Variants in SND1 observed in about 807,000 individuals in gnomAD.
SND1 encodes staphylococcal nuclease domain-containing protein 1.
A neutral mutation model predicts 121.7 loss-of-function variants in SND1; 38 were observed. The observed-to-expected ratio is 0.31, with a 90% CI of 0.24 to 0.41. The LOEUF (loss-of-function observed/expected upper bound fraction) is 0.41. Among genes scored for constraint, SND1 ranks in the 10% least tolerant of loss-of-function variants. The probability of loss-of-function intolerance (pLI) is 1.00; values close to 1 mark genes in which losing one functional copy is unlikely to be tolerated. For missense variants in SND1, 868 were observed against 1,184.6 expected (o/e 0.73, Z 3.92); for synonymous variants, 401 against 447.4 (o/e 0.90, Z 1.31).
intron 15 of SND1, among the ~76,000 whole-genome samples, chr7:127,943,936 G>A (rs1801270726): frequency 6.6e-6 from 1 of 152,206 alleles, no homozygotes; most frequent in African/African-American, 2.4e-5. Context: ...TCCTCATCCT[G>A]CTGAGCTGGT....
At chr7:127,694,681 A>C in intron 2 of SND1, 147 bp from the exon 3 acceptor site, 1 of 904,856 alleles carries the variant, frequency 1.1e-6, no homozygotes. Flanking sequence ...CATTGTGTGC[A>C]TTTCATTTTT....
At chr7:127,907,125 T>C (rs1379680549) in intron 14 of SND1, among the ~76,000 whole-genome samples, 2 of 152,198 alleles carry the variant, frequency 1.3e-5, no homozygotes. Flanking sequence ...CTGCTCGATT[T>C]AAATGGATGT....
chr7:128,015,150 C>T lies in SND1; in HGVS notation c.1779+24094C>T, dbSNP rs1803199223. ...TGATTCACAGTAGTGCAGATGGCCCCAGCCATACCCAGGGATGTCTGCCAC... is the reference window on the plus strand; with the variant it reads ...TGATTCACAGTAGTGCAGATGGCCCTAGCCATACCCAGGGATGTCTGCCAC... On this transcript the variant is annotated intron_variant, in intron 16 of 23. Transcript: ENST00000354725. This position sits in a 1 kb window ranked among gnomAD's most constrained non-coding sequence, Gnocchi z 4.5. Among the ~76,000 whole-genome samples the T allele has an allele frequency of 6.6e-6, 1 of 152,214 alleles. No homozygotes were observed. The highest frequency in any genetic ancestry group is 2.1e-4 in the South Asian group (1 of 4,832).
rs71160605 is a variant in SND1 at position 127,926,549 on chromosome 7, C to CTTTTTTTTTTTTT, written c.1528-2628_1528-2616dup. Among the ~76,000 whole-genome samples the CTTTTTTTTTTTTT allele has an allele frequency of 1.5e-4, 14 of 90,558 alleles. 1 individual carries two copies. The highest frequency in any genetic ancestry group is 2.7e-4 in the African/African-American group (6 of 22,052). 59.4% of individuals were successfully genotyped at this position (90,558 alleles called of 152,430 possible). A position where few individuals can be genotyped will look rare whatever the true frequency, so the allele number is the denominator to read the frequency against. On this transcript the variant is annotated intron_variant, in intron 14 of 23. Coordinates refer to ENST00000354725, the MANE Select transcript of SND1 (RefSeq NM_014390.4). ...GCTGTATGCCTTTGATTTTCTTTTT[C>CTTTTTTTTTTTTT]TTTTTTTTTTTTTTTTTTTTTTTGT... is the stretch of plus-strand genomic sequence containing the variant.
At chr7:128,089,959 G>A (rs1272475114) in intron 22 of SND1, 9 of 452,814 alleles carry the variant, frequency 2.0e-5, no homozygotes, top group South Asian at 1.3e-4. Context: ...GGTGACAGGC[G>A]AGAAAGCTTT....
At chr7:127,983,666 G>A (rs1802319091) in intron 15 of SND1, among the ~76,000 whole-genome samples, 1 of 151,948 alleles carries the variant, frequency 6.6e-6, no homozygotes, top group African/African-American at 2.4e-5. Context: ...ATTTCAGGGA[G>A]CATTATTTAA....
At chr7:127,845,597 T>C (rs1563033282) in intron 12 of SND1, among the ~76,000 whole-genome samples, 2 of 152,236 alleles carry the variant, frequency 1.3e-5, no homozygotes, top group Admixed American at 1.3e-4. Context: ...TACCACTTCT[T>C]AGGAGTCAGT....
chr7:128,025,381 T>G (rs1205071417), intron 16 of SND1, among the ~76,000 whole-genome samples: 1 of 146,670 alleles, frequency 6.8e-6, no homozygotes, highest in Non-Finnish European at 1.5e-5. Context: ...TCTTTTAATT[T>G]CTCTGGGGCT....
At chr7:127,951,562 C>T (rs1801463531) in intron 15 of SND1, among the ~76,000 whole-genome samples, 1 of 152,014 alleles carries the variant, frequency 6.6e-6, no homozygotes, top group Non-Finnish European at 1.5e-5. Flanking sequence ...GGGTAGGTCA[C>T]GTGTTAAGTA....
intron 1 of SND1, among the ~76,000 whole-genome samples, chr7:127,657,841 C>G (rs1291122738): frequency 3.3e-5 from 5 of 152,140 alleles, no homozygotes; most frequent in African/African-American, 1.2e-4. Flanking sequence ...TCTTCAGTTC[C>G]TTCACGTTCA....
At chr7:128,006,333 ATG>A (rs1802976065) in intron 16 of SND1, among the ~76,000 whole-genome samples, 1 of 151,774 alleles carries the variant, frequency 6.6e-6, no homozygotes, top group Non-Finnish European at 1.5e-5. Flanking sequence ...GTGTGCGTGC[ATG>A]TGTGTTTTGA....
intron 16 of SND1, among the ~76,000 whole-genome samples, chr7:128,014,001 G>A (rs1319414484): frequency 6.6e-6 from 1 of 152,210 alleles, no homozygotes; most frequent in Non-Finnish European, 1.5e-5. Context: ...ACAGGTCTCT[G>A]AGCAGTCTAT....
At chr7:127,922,266 A>G (rs544666860) in intron 14 of SND1, among the ~76,000 whole-genome samples, 7 of 139,740 alleles carry the variant, frequency 5.0e-5, no homozygotes, top group East Asian at 2.0e-4. Flanking sequence ...GGCTCAAGCA[A>G]TGTTTTTGCC....
intron 14 of SND1, among the ~76,000 whole-genome samples, chr7:127,909,023 C>T (rs148747105): frequency 1.1e-3 from 172 of 152,278 alleles, no homozygotes; most frequent in African/African-American, 3.7e-3. Flanking sequence ...CCTTTACCTC[C>T]ACTTCTCCAT....
intron 15 of SND1, among the ~76,000 whole-genome samples, chr7:127,980,953 A>G (rs528847516): frequency 2.6e-5 from 4 of 152,360 alleles, no homozygotes; most frequent in South Asian, 4.1e-4. Context: ...TTTGGTGCCA[A>G]AAATCAAAAG....
intron 16 of SND1, among the ~76,000 whole-genome samples, chr7:128,069,171 C>G (rs895811144): frequency 6.6e-6 from 1 of 152,210 alleles, no homozygotes; most frequent in Non-Finnish European, 1.5e-5. Flanking sequence ...TGGGAGGACT[C>G]CCCGGGTGTA....
chr7:127,904,948 C>T (rs1584655820), intron 14 of SND1, 129 bp downstream of exon 14: 1 of 634,772 alleles, frequency 1.6e-6, no homozygotes, highest in South Asian at 2.0e-5. Context: ...TGTGACTTTT[C>T]CCCACCCCGG....
intron 10 of SND1, among the ~76,000 whole-genome samples, chr7:127,789,177 T>C (rs1797866445): frequency 6.6e-6 from 1 of 152,220 alleles, no homozygotes; most frequent in South Asian, 2.1e-4. Context: ...TCTGTCTGCC[T>C]CCCCAACTCT....
chr7:128,055,140 G>A (rs1793115266), intron 16 of SND1, among the ~76,000 whole-genome samples: 1 of 152,166 alleles, frequency 6.6e-6, no homozygotes, highest in Admixed American at 6.5e-5. Flanking sequence ...AAGCTGGAAG[G>A]ATTTTGTTTT....
Sources: allele counts gnomAD v4.1 joint callset (sites outside exome capture counted in the v4.1 genomes callset), GRCh38; gene constraint gnomAD v4.1.1; non-coding constraint Gnocchi (gnomAD v3.1); transcripts MANE v1.5; gene names NCBI Gene and HGNC (gene_info 2026-07-23, HGNC 2026-07-21).